Variants in URI1 observed in about 807,000 individuals in gnomAD.
The protein encoded by URI1 is unconventional prefoldin RPB5 interactor 1.
URI1 carries 39 observed loss-of-function variants against 60.2 expected under a neutral mutation model. The ratio of observed to expected loss-of-function variants is 0.65; its 90% CI spans 0.50 to 0.85. The LOEUF (loss-of-function observed/expected upper bound fraction) is 0.85, where lower values mean the gene tolerates loss of function less well. Ranked by LOEUF, URI1 falls within the 40% of genes least tolerant of loss-of-function variation. The probability of loss-of-function intolerance (pLI) is 0.00; values close to 1 mark genes in which losing one functional copy is unlikely to be tolerated. For missense variants in URI1, 691 were observed against 665.9 expected, an observed-to-expected ratio of 1.04 and a Z score of -0.42; for synonymous variants, 251 against 236.8, an observed-to-expected ratio of 1.06 and a Z score of -0.55.
chr19:29,997,433 T>G (rs1023993012), intron 4 of URI1, among the ~76,000 whole-genome samples: 36 of 152,156 alleles, frequency 2.4e-4, no homozygotes, highest in Non-Finnish European at 2.1e-4. Context: ...AATCTTCTCT[T>G]TTTTTCTTAG....
intron 4 of URI1, among the ~76,000 whole-genome samples, chr19:29,992,366 G>T (rs2055757578): frequency 1.3e-5 from 2 of 152,160 alleles, no homozygotes; most frequent in Admixed American, 6.5e-5. Context: ...CACTGTGCCT[G>T]GCCTAAAGTG....
chr19:29,954,586 C>T (rs1295681012), intron 1 of URI1, among the ~76,000 whole-genome samples: 2 of 146,834 alleles, frequency 1.4e-5, no homozygotes, highest in Admixed American at 7.0e-5. Flanking sequence ...GCAATCTCGG[C>T]TCACTGCAAC....
intron 2 of URI1, among the ~76,000 whole-genome samples, chr19:29,979,348 G>T (rs166727): frequency 0.96 from 145,759 of 152,270 alleles, 69,782 homozygotes; most frequent in East Asian, 1. Context: ...TCTTTCAAAC[G>T]TAGATGAATG....
rs763512772 is a variant in URI1 at position 30,007,609 on chromosome 19, AC to A, written c.658del (p.Gln220ArgfsTer15). 6.2e-7 allele frequency: 1 copy of A among 1,609,228 alleles called. No individual in the cohort carries two copies. On this transcript the variant is annotated frameshift_variant, in exon 7 of 11. Transcript: ENST00000392271. LOFTEE classifies it high-confidence loss of function. ...GGGCTCGACTTGAAGAACTAGAGAG[AC>A]AGGAAGAATTGCTGGGTGAACTTGA... The part of the protein sequence containing the change: ...LWARLEELER[Q>X]EELLGELDSK...
chr19:29,923,751 A>G, exon 1 of URI1: 1 of 1,536,622 alleles, frequency 6.5e-7, no homozygotes, highest in South Asian at 1.2e-5. Flanking sequence ...TGGCATATGC[A>G]TTGGTGAGTT....
chr19:29,931,907 C>T (rs1319701152), intron 1 of URI1, among the ~76,000 whole-genome samples: 1 of 47,504 alleles, frequency 2.1e-5, no homozygotes, highest in Non-Finnish European at 4.4e-5. Flanking sequence ...TTAGCTCTAA[C>T]AGTTGTGTGT....
intron 1 of URI1, among the ~76,000 whole-genome samples, chr19:29,928,488 A>G (rs1399003257): frequency 1.3e-5 from 2 of 151,890 alleles, no homozygotes; most frequent in African/African-American, 4.8e-5. Flanking sequence ...GTCTCCGCCC[A>G]CTTGTTTCCA....
At chr19:29,981,292 T>C (rs983144270) in intron 2 of URI1, among the ~76,000 whole-genome samples, 51 of 152,206 alleles carry the variant, frequency 3.4e-4, no homozygotes, top group Admixed American at 2.0e-4. Context: ...GAATTTCAAA[T>C]TAAGTTGTGG....
chr19:30,001,259 G>A (rs903581111), intron 4 of URI1, among the ~76,000 whole-genome samples: 4 of 151,810 alleles, frequency 2.6e-5, no homozygotes, highest in African/African-American at 9.7e-5. Flanking sequence ...GCATAGGCAA[G>A]GTTTGTTGAC....
At chr19:29,932,594 G>T (rs183829492) in intron 1 of URI1, among the ~76,000 whole-genome samples, 47 of 151,460 alleles carry the variant, frequency 3.1e-4, no homozygotes, top group Non-Finnish European at 6.0e-4. Flanking sequence ...TGGGATTACA[G>T]GCGTGAGCCA....
At chr19:29,943,976 A>C (rs2055065014) in intron 1 of URI1, among the ~76,000 whole-genome samples, 1 of 150,492 alleles carries the variant, frequency 6.6e-6, no homozygotes, top group Non-Finnish European at 1.5e-5. Flanking sequence ...TCTATACAAA[A>C]AAATACAAAA....
chr19:29,992,289 C>T (rs571254095), intron 4 of URI1, among the ~76,000 whole-genome samples: 7 of 152,288 alleles, frequency 4.6e-5, no homozygotes, highest in East Asian at 1.9e-4. Flanking sequence ...AGGCTGATCT[C>T]GAACCCTTGA....
At chr19:29,944,232 T>A (rs1317178046) in intron 1 of URI1, among the ~76,000 whole-genome samples, 1 of 126,088 alleles carries the variant, frequency 7.9e-6, no homozygotes, top group Non-Finnish European at 1.7e-5. Context: ...TAGAAGACAT[T>A]AATGTATTTT....
intron 4 of URI1, among the ~76,000 whole-genome samples, chr19:29,989,951 C>T (rs185289515): frequency 1.4e-4 from 22 of 152,024 alleles, no homozygotes; most frequent in African/African-American, 4.8e-4. Flanking sequence ...TATCTAAGAA[C>T]GCTTTACCTA....
rs763829751 is a variant in URI1, at chr19:30,011,198, G to C, written c.1140G>C (p.Gln380His). 6 of 1,610,894 alleles carry C rather than the reference G, an allele frequency of 3.7e-6. No individual in the cohort carries two copies. In the East Asian group the frequency reaches 1.1e-4, roughly 30 times the overall value. ...GCACTGGCAGTGGCCACTCTGCCCA[G>C]GAGCTGCCGACCATCAGGACGCCTG... ...KNSTGSGHSA[Q>H]ELPTIRTPAD... The change falls in exon 9 of 11, where the codon CAG becomes CAC. Residue 380 changes from glutamine (Q) to histidine (H), a missense_variant. Transcript: ENST00000392271.
rs545306578 is a variant in URI1 at position 29,959,192 on chromosome 19, C to G, written c.118-12001C>G. Among the ~76,000 whole-genome samples the G allele has an allele frequency of 1.1e-4, 17 of 152,204 alleles. No homozygotes were observed. In the South Asian group the frequency reaches 3.5e-3, roughly 32 times the overall value. ...CCAGGCTGGAGTGCAGTGGCCAATC[C>G]TGGCTCATTGCATCCTGGAACTCCC... is the stretch of plus-strand genomic sequence containing the variant. On this transcript the variant is annotated intron_variant, in intron 1 of 10. Transcript: ENST00000392271.
In URI1 at chr19:29,942,585, C is replaced by A. The variant is rs763524587; in HGVS notation, c.38C>A (p.Ser13Ter). The stretch of plus-strand genomic sequence containing the variant: ...ACCGTGGAGACGCCCCCCGACCCCT[C>A]GCCCCCTTCGGCCCCGGCCCCTGCC... The part of the protein sequence containing the change: ...APTVETPPDP[S>*]PPSAPAPALV... The change falls in exon 1 of 11, where the codon TCG becomes TAG. Residue 13 changes from serine (S) to a stop codon, truncating the protein, a stop_gained. Transcript: ENST00000392271. LOFTEE classifies it high-confidence loss of function. The A allele has an allele frequency of 2.8e-6, 4 of 1,421,742 alleles. No individual in the cohort carries two copies. Among genetic ancestry groups the A allele is most frequent in the Admixed American group, 3.0e-5 (1 of 33,494 alleles). The allele number at this position is 1,421,742 out of a possible 1,614,324, so 88.1% of individuals were successfully genotyped here. A position where few individuals can be genotyped will look rare whatever the true frequency, so the allele number is the denominator to read the frequency against.
intron 4 of URI1, among the ~76,000 whole-genome samples, chr19:29,990,600 TAAAG>T (rs1412516823): frequency 2.0e-5 from 3 of 152,142 alleles, no homozygotes; most frequent in Non-Finnish European, 2.9e-5. Context: ...TAGAATAAAT[TAAAG>T]AAACCAGTCA....
intron 1 of URI1, among the ~76,000 whole-genome samples, chr19:29,951,909 T>C (rs2145257093): frequency 6.6e-6 from 1 of 152,356 alleles, no homozygotes. Context: ...TGTTCCAGGC[T>C]TGCCCTGTAG....
Sources: gnomAD v4.1 joint callset for allele counts (sites outside exome capture counted in the v4.1 genomes callset) on GRCh38, gnomAD v4.1.1 for gene constraint, MANE v1.5 for transcripts, NCBI Gene and HGNC (gene_info 2026-07-23, HGNC 2026-07-21) for gene names.